The following EBF1 variants were observed in gnomAD, a reference collection of about 807,000 sequenced individuals.
EBF1 encodes transcription factor COE1.
A neutral mutation model predicts 68.4 loss-of-function variants in EBF1; 10 were observed. The observed-to-expected ratio is 0.15, with a 90% CI of 0.09 to 0.25. The LOEUF is 0.25. Ranked by LOEUF, EBF1 falls within the 10% of genes least tolerant of loss-of-function variation. The pLI, the probability that EBF1 is intolerant of heterozygous loss-of-function variation, is 1.00. For synonymous variants in EBF1, 298 were observed against 299.8 expected (o/e 0.99, Z 0.06); for missense variants, 509 against 794.4 (o/e 0.64, Z 4.32).
chr5:158,733,083 C>A (rs557546092), intron 10 of EBF1, among the ~76,000 whole-genome samples: 32 of 152,052 alleles, frequency 2.1e-4, no homozygotes, highest in Non-Finnish European at 3.8e-4. Flanking sequence ...CCATAGAATT[C>A]TTTAGGCAGG....
intron 10 of EBF1, among the ~76,000 whole-genome samples, chr5:158,745,696 A>G (rs1207026942): frequency 6.6e-6 from 1 of 152,234 alleles, no homozygotes; most frequent in Non-Finnish European, 1.5e-5. Flanking sequence ...TGCCATGTGG[A>G]TATAATTTGT....
chr5:158,746,051 A>G (rs1767486412), intron 10 of EBF1, among the ~76,000 whole-genome samples: 1 of 152,140 alleles, frequency 6.6e-6, no homozygotes, highest in Non-Finnish European at 1.5e-5. Context: ...TTAAGTTTTT[A>G]TTACTACTGC....
chr5:158,830,362 C>G (rs1271194025), intron 7 of EBF1, among the ~76,000 whole-genome samples: 1 of 152,124 alleles, frequency 6.6e-6, no homozygotes, highest in East Asian at 1.9e-4. Flanking sequence ...CCTCTGCCAC[C>G]CAGATTCAAG....
Position 158,926,524 on chromosome 5 carries a change from G to T in EBF1, c.555-86414C>A, listed in dbSNP as rs556508795. Among the ~76,000 whole-genome samples the T allele has an allele frequency of 4.6e-5, 7 of 152,154 alleles. No homozygotes were observed. The East Asian group carries it at 1.4e-3, about 29-fold the overall frequency. Reference sequence around the variant, plus strand: ...GTGGATCACAAGGTCAGGAGTTCAAGACCAGCCTGGCCAGTATGGTGAAAC... The same window carrying T: ...GTGGATCACAAGGTCAGGAGTTCAATACCAGCCTGGCCAGTATGGTGAAAC... On this transcript the variant is annotated intron_variant, in intron 6 of 15. Coordinates refer to ENST00000313708, the MANE Select transcript of EBF1 (RefSeq NM_024007.5).
In EBF1 at chr5:158,997,718, T is replaced by C. The variant is rs73301940; in HGVS notation, c.554+75678A>G. Among the ~76,000 whole-genome samples, 142 of 152,284 alleles carry C rather than the reference T, an allele frequency of 9.3e-4. 1 individual carries two copies. Among genetic ancestry groups the C allele is most frequent in the African/African-American group, 3.3e-3 (139 of 41,562 alleles). On this transcript the variant is annotated intron_variant, in intron 6 of 15. Coordinates refer to ENST00000313708, the MANE Select transcript of EBF1 (RefSeq NM_024007.5). ...AAGCACATGTAACATGTCATCCCTC[T>C]TGTAAAACCCTCCAGTGGATCCCTG...
chr5:159,088,054 T>G (rs1417718954), intron 4 of EBF1, among the ~76,000 whole-genome samples: 1 of 152,088 alleles, frequency 6.6e-6, no homozygotes, highest in Non-Finnish European at 1.5e-5. Context: ...ATCCTGTAAC[T>G]AAAGTAAACT....
At chr5:158,810,722 A>G (rs1230404813) in intron 8 of EBF1, among the ~76,000 whole-genome samples, 2 of 152,190 alleles carry the variant, frequency 1.3e-5, no homozygotes, top group Admixed American at 1.3e-4. Flanking sequence ...ATAAAAATAT[A>G]TTAGTACTTG....
At chr5:159,013,686 G>A (rs1329626502) in intron 6 of EBF1, among the ~76,000 whole-genome samples, 2 of 152,108 alleles carry the variant, frequency 1.3e-5, no homozygotes, top group Non-Finnish European at 2.9e-5. Context: ...TTCATCCAGT[G>A]GGAAACCAAT....
chr5:159,090,690 T>G (rs1349985655), intron 4 of EBF1, among the ~76,000 whole-genome samples: 2 of 152,046 alleles, frequency 1.3e-5, no homozygotes, highest in Non-Finnish European at 2.9e-5. Context: ...ACTAAATCAC[T>G]CTAACAATCC....
At chr5:158,774,057 C>T (rs1185984035) in intron 10 of EBF1, among the ~76,000 whole-genome samples, 3 of 152,142 alleles carry the variant, frequency 2.0e-5, no homozygotes, top group African/African-American at 7.2e-5. Context: ...TAACTGGACA[C>T]AATAAAGTAA....
intron 6 of EBF1, among the ~76,000 whole-genome samples, chr5:158,939,785 A>G (rs1189866636): frequency 6.6e-6 from 1 of 152,184 alleles, no homozygotes; most frequent in Non-Finnish European, 1.5e-5. Context: ...GGTAGCTCCT[A>G]CCTCAGAAAT....
chr5:158,913,074 A>G (rs1286940071), intron 6 of EBF1, among the ~76,000 whole-genome samples: 1 of 152,236 alleles, frequency 6.6e-6, no homozygotes, highest in Non-Finnish European at 1.5e-5. Flanking sequence ...ATGAGGATAT[A>G]ATATACAAAA....
chr5:159,096,144 G>A, intron 3 of EBF1, 199 bp downstream of exon 3: 1 of 610,304 alleles, frequency 1.6e-6, no homozygotes, highest in East Asian at 2.8e-5. Flanking sequence ...AGGTAAACGC[G>A]AGACCGATAA....
chr5:159,083,988 A>C (rs1293404039), intron 5 of EBF1, among the ~76,000 whole-genome samples: 2 of 152,234 alleles, frequency 1.3e-5, no homozygotes, highest in Non-Finnish European at 2.9e-5. Context: ...GCCTGTTTTC[A>C]AATGTAGCTT....
intron 6 of EBF1, among the ~76,000 whole-genome samples, chr5:159,014,343 G>C (rs1277939913): frequency 6.6e-6 from 1 of 152,176 alleles, no homozygotes; most frequent in Non-Finnish European, 1.5e-5. Context: ...AAAATTAACA[G>C]AAATACGGAA....
At chr5:158,800,782 T>G (rs567587595) in intron 8 of EBF1, among the ~76,000 whole-genome samples, 104 of 152,220 alleles carry the variant, frequency 6.8e-4, no homozygotes, top group African/African-American at 2.5e-3. Context: ...GTGGATGGAT[T>G]CAGTGGAATT....
chr5:158,843,053 G>A (rs564812020), intron 6 of EBF1, among the ~76,000 whole-genome samples: 3 of 152,104 alleles, frequency 2.0e-5, no homozygotes, highest in African/African-American at 4.8e-5. Flanking sequence ...AAGATTAATC[G>A]AACTACTAAG....
rs1212647266 is a variant in EBF1, at chr5:159,079,400, GCCGACAT to G, written c.485+5259_485+5265del. The stretch of plus-strand genomic sequence containing the variant: ...TTTTCTCTGAGTTAGTTTCTTCACT[GCCGACAT>G]CCTTCTTATAAGAGTCCCTGTCACT... On this transcript the variant is annotated intron_variant, in intron 5 of 15. Transcript: ENST00000313708. Among the ~76,000 whole-genome samples the G allele has an allele frequency of 6.6e-5, 10 of 152,156 alleles. No individual in the cohort carries two copies. The East Asian group carries it at 1.9e-3, about 29-fold the overall frequency.
chr5:158,801,706 C>T (rs1780618906), intron 8 of EBF1, among the ~76,000 whole-genome samples: 1 of 151,714 alleles, frequency 6.6e-6, no homozygotes, highest in Non-Finnish European at 1.5e-5. Context: ...TCGTTCAGCT[C>T]CAGTACGTAT....
Sources: allele counts gnomAD v4.1 joint callset (sites outside exome capture counted in the v4.1 genomes callset), GRCh38; gene constraint gnomAD v4.1.1; transcripts MANE v1.5; gene names NCBI Gene and HGNC (gene_info 2026-07-23, HGNC 2026-07-21).